The following RABGAP1 variants were observed in gnomAD, a reference collection of about 807,000 sequenced individuals.
RABGAP1 encodes the protein RAB GTPase activating protein 1.
In RABGAP1, 23 loss-of-function variants were observed where a neutral mutation model predicts 137.6. The ratio of observed to expected loss-of-function variants is 0.17; its 90% CI spans 0.12 to 0.24. The LOEUF (loss-of-function observed/expected upper bound fraction) is 0.24, where lower values mean the gene tolerates loss of function less well. Ranked by LOEUF, RABGAP1 falls within the 10% of genes least tolerant of loss-of-function variation. RABGAP1 has a pLI of 1.00. For synonymous variants in RABGAP1, 451 were observed against 450.7 expected, an observed-to-expected ratio of 1.00 and a Z score of -0.01; for missense variants, 906 against 1,275.8, an observed-to-expected ratio of 0.71 and a Z score of 4.42.
At chr9:122,973,895 A>G (rs1835611992) in intron 2 of RABGAP1, among the ~76,000 whole-genome samples, 1 of 152,102 alleles carries the variant, frequency 6.6e-6, no homozygotes, top group African/African-American at 2.4e-5. Context: ...CTGTAATCCC[A>G]GCTACTCCGG....
intron 19 of RABGAP1, among the ~76,000 whole-genome samples, chr9:123,079,034 T>G (rs2034612794): frequency 6.6e-6 from 1 of 152,196 alleles, no homozygotes. Flanking sequence ...GTATCATTTT[T>G]CTTCCTGTTT....
intron 13 of RABGAP1, among the ~76,000 whole-genome samples, chr9:123,055,959 A>G (rs1189949989): frequency 2.0e-5 from 3 of 152,154 alleles, no homozygotes; most frequent in African/African-American, 4.8e-5. Context: ...GCATACCCCT[A>G]TCAATGTAGG....
intron 13 of RABGAP1, among the ~76,000 whole-genome samples, chr9:123,046,538 A>G (rs1417440219): frequency 7.2e-5 from 11 of 152,224 alleles, no homozygotes; most frequent in Admixed American, 5.9e-4. Flanking sequence ...GGCAAAGTAC[A>G]TAATCGTTCT....
chr9:122,973,141 C>G (rs1835557915), intron 2 of RABGAP1, among the ~76,000 whole-genome samples: 1 of 152,094 alleles, frequency 6.6e-6, no homozygotes, highest in South Asian at 2.1e-4. Flanking sequence ...CTATATGTTC[C>G]TCTCAGTTGG....
intron 13 of RABGAP1, among the ~76,000 whole-genome samples, chr9:123,057,088 G>T (rs2033738111): frequency 6.6e-6 from 1 of 150,860 alleles, no homozygotes; most frequent in African/African-American, 2.4e-5. Flanking sequence ...GGACGGGGCG[G>T]CTGGCCGGGC....
intron 2 of RABGAP1, among the ~76,000 whole-genome samples, chr9:122,975,270 C>G (rs1272881417): frequency 6.6e-6 from 1 of 152,160 alleles, no homozygotes; most frequent in African/African-American, 2.4e-5. Context: ...CCCAAACTGC[C>G]TGAAGTAGCT....
chr9:122,950,569 C>A (rs1053217893), intron 1 of RABGAP1, among the ~76,000 whole-genome samples: 2 of 151,834 alleles, frequency 1.3e-5, no homozygotes, highest in African/African-American at 4.8e-5. Flanking sequence ...CCTTTACACA[C>A]CTCTGTTATA....
chr9:123,002,624 AATTTT>A (rs1837384498), intron 10 of RABGAP1, among the ~76,000 whole-genome samples: 1 of 151,782 alleles, frequency 6.6e-6, no homozygotes, highest in African/African-American at 2.4e-5. Flanking sequence ...AAATTTATTT[AATTTT>A]ATTTTTAAAA....
At chr9:122,953,490 C>A (rs957214247) in intron 1 of RABGAP1, among the ~76,000 whole-genome samples, 1 of 152,008 alleles carries the variant, frequency 6.6e-6, no homozygotes, top group African/African-American at 2.4e-5. Flanking sequence ...CAAGCTCTGC[C>A]TCCCGGGTTC....
At chr9:122,968,511 CTG>C (rs1416307865) in intron 2 of RABGAP1, among the ~76,000 whole-genome samples, 1 of 152,144 alleles carries the variant, frequency 6.6e-6, no homozygotes, top group Non-Finnish European at 1.5e-5. Flanking sequence ...GCATGAGAAA[CTG>C]TGTGTGGCAC....
chr9:123,008,048 A>G (rs780146061), intron 10 of RABGAP1, among the ~76,000 whole-genome samples: 44 of 151,800 alleles, frequency 2.9e-4, no homozygotes, highest in Admixed American at 1.8e-3. Flanking sequence ...GAAAATTCAA[A>G]CATATGCAGA....
At chr9:122,988,494 TC>T (rs1445460579) in intron 4 of RABGAP1, among the ~76,000 whole-genome samples, 4 of 101,338 alleles carry the variant, frequency 3.9e-5, no homozygotes, top group Admixed American at 1.2e-4. Flanking sequence ...TTGCTTTTAT[TC>T]ATGATTTTTT....
intron 14 of RABGAP1, 86 bp downstream of exon 14, chr9:123,065,547 T>C (rs1480117830): frequency 9.8e-7 from 1 of 1,019,574 alleles, no homozygotes; most frequent in Non-Finnish European, 1.5e-6. Flanking sequence ...CAAAGTGTAA[T>C]TTGTATTTGA....
intron 1 of RABGAP1, among the ~76,000 whole-genome samples, chr9:122,942,558 T>C (rs933913310): frequency 2.7e-5 from 4 of 147,882 alleles, no homozygotes; most frequent in African/African-American, 7.5e-5. Flanking sequence ...TAGTCCCAGC[T>C]AATCGGGAGG....
the RABGAP1 span, among the ~76,000 whole-genome samples, chr9:122,931,692 C>A: frequency 6.6e-6 from 1 of 152,236 alleles, no homozygotes; most frequent in Non-Finnish European, 1.5e-5. Context: ...GCACCGTACT[C>A]TGGGCACTAG....
chr9:123,047,919 GTTTTTTTTTTTTTTTTTTTTT>G (rs59639446), intron 13 of RABGAP1, among the ~76,000 whole-genome samples: 3 of 62,252 alleles, frequency 4.8e-5, no homozygotes, highest in Non-Finnish European at 7.1e-5. Flanking sequence ...CAGCTGCTGG[GTTTTTTTTTTTTTTTTTTTTT>G]TTTTTTTTTT....
rs1469791924 is a variant in RABGAP1, at chr9:123,010,653, AG to A, written c.1549+126del. On this transcript the variant is annotated intron_variant, in intron 11 of 25. Coordinates refer to ENST00000373647, the MANE Select transcript of RABGAP1 (RefSeq NM_012197.4). ...ATTCATTTAATGAATTCCTTATGAGAGTTTACTATATGTAAGTAGCTGTGGG... is the reference window on the plus strand; with the variant it reads ...ATTCATTTAATGAATTCCTTATGAGATTTACTATATGTAAGTAGCTGTGGG... The A allele has an allele frequency of 8.7e-6, 8 of 915,070 alleles. No homozygotes were observed. In the African/African-American group the frequency reaches 1.3e-4, roughly 15 times the overall value. 56.7% of individuals were successfully genotyped at this position (915,070 alleles called of 1,614,324 possible). A position where few individuals can be genotyped will look rare whatever the true frequency, so the allele number is the denominator to read the frequency against.
intron 13 of RABGAP1, chr9:123,035,740 T>C: frequency 1.6e-6 from 1 of 634,148 alleles, no homozygotes; most frequent in African/African-American, 1.8e-5. Flanking sequence ...ATACTTTGAC[T>C]CTAAACAATA....
At chr9:122,955,204 A>G (rs1332225841) in intron 1 of RABGAP1, among the ~76,000 whole-genome samples, 2 of 152,226 alleles carry the variant, frequency 1.3e-5, no homozygotes, top group East Asian at 1.9e-4. Context: ...GCAAAGGTCT[A>G]AGTTAGTCCT....
Sources: allele counts gnomAD v4.1 joint callset (sites outside exome capture counted in the v4.1 genomes callset), GRCh38; gene constraint gnomAD v4.1.1; transcripts MANE v1.5; gene names NCBI Gene and HGNC (gene_info 2026-07-23, HGNC 2026-07-21).